Variants in DMD observed in about 807,000 individuals in gnomAD.
The protein encoded by DMD is dystrophin.
Under a neutral mutation model 330.1 loss-of-function variants are expected in DMD, and 63 were observed. The observed-to-expected ratio is 0.19, with a 90% CI of 0.16 to 0.24. DMD has a LOEUF of 0.24. DMD is among the 10% of genes least tolerant of loss of function. DMD has a pLI of 1.00. For missense variants in DMD, 3,344 were observed against 2,684.1 expected (o/e 1.25, Z -5.43); for synonymous variants, 1,223 against 959.8 (o/e 1.27, Z -5.07).
intron 30 of DMD, among the ~76,000 whole-genome samples, chrX:32,402,815 G>A (rs2147815593): frequency 9.0e-6 from 1 of 111,441 alleles, no homozygotes; most frequent in South Asian, 3.7e-4. Context: ...AAGTTCCATT[G>A]GAAAAATGGT....
At chrX:31,573,624 C>T (rs751648362) in intron 55 of DMD, among the ~76,000 whole-genome samples, 6 of 111,829 alleles carry the variant, frequency 5.4e-5, no homozygotes, top group Admixed American at 9.5e-5. Context: ...ACTTCTTCTC[C>T]GAGTCACATT....
intron 60 of DMD, among the ~76,000 whole-genome samples, chrX:31,360,455 T>C (rs764216704): frequency 4.8e-4 from 54 of 112,185 alleles, no homozygotes; most frequent in South Asian, 1.9e-3. Context: ...GTTTTTGCCA[T>C]TGAAGGTAAT....
At chrX:33,183,857 G>T (rs893459635) in intron 1 of DMD, among the ~76,000 whole-genome samples, 1 of 111,145 alleles carries the variant, frequency 9.0e-6, no homozygotes, top group Non-Finnish European at 1.9e-5. Context: ...AAGCAGTGTG[G>T]GTTTAATTTG....
At chrX:33,318,504 G>C (rs2053966099) in intron 1 of DMD, among the ~76,000 whole-genome samples, 1 of 106,220 alleles carries the variant, frequency 9.4e-6, no homozygotes, top group Non-Finnish European at 1.9e-5. Context: ...GTGAAGTGCA[G>C]TGACACCATT....
intron 44 of DMD, among the ~76,000 whole-genome samples, chrX:32,025,620 C>T (rs1339239622): frequency 8.9e-6 from 1 of 112,441 alleles, no homozygotes; most frequent in East Asian, 2.8e-4. Flanking sequence ...GGTTTGGGAA[C>T]ACTTTTCCTT....
intron 25 of DMD, 141 bp downstream of exon 25, chrX:32,463,298 G>C (rs2148416898): frequency 2.2e-6 from 1 of 447,306 alleles, no homozygotes; most frequent in Admixed American, 4.9e-5. Flanking sequence ...CTAGAAAAAA[G>C]ATTAATTTGT....
Position 32,697,891 on chromosome X carries a change from T to G in DMD, c.939A>C (p.Thr313=). 8.3e-7 allele frequency: 1 copy of G among 1,210,213 alleles called. No individual in the cohort carries two copies. The highest frequency in any genetic ancestry group is 3.0e-5 in the East Asian group (1 of 33,742). The change falls in exon 9 of 79, where the codon ACA becomes ACC. Residue 313 remains threonine, a synonymous_variant. Coordinates refer to ENST00000357033, the MANE Select transcript of DMD (RefSeq NM_004006.3). ...QAAYVTTSDP[T]RSPFPSQHLE... is the part of the protein sequence containing the mutation. ...AGACCTGTGAAGGAAATGGGCTCCG[T>G]GTAGGGTCAGAGGTGGTGACATAAG...
In DMD at chrX:32,640,998, C is replaced by A. The variant is rs138981528; in HGVS notation, c.1331+3134G>T. Among the ~76,000 whole-genome samples the A allele has an allele frequency of 1.1e-4, 12 of 111,637 alleles. No individual in the cohort carries two copies. The South Asian group carries it at 1.5e-3, about 14-fold the overall frequency. ...CTACAGTCCCCCTGGCCTTTTGGTT[C>A]CTCCAGCAAGCCAAACTGTCCCTAT... On this transcript the variant is annotated intron_variant, in intron 11 of 78. Transcript: ENST00000357033.
chrX:31,699,024 A>G (rs747166477), intron 52 of DMD, among the ~76,000 whole-genome samples: 1 of 112,089 alleles, frequency 8.9e-6, no homozygotes, highest in Admixed American at 9.5e-5. Context: ...TGCTATTTTC[A>G]CACTGTTTAC....
At chrX:31,241,468 T>C (rs1433123746) in intron 63 of DMD, among the ~76,000 whole-genome samples, 1 of 112,151 alleles carries the variant, frequency 8.9e-6, no homozygotes, top group Non-Finnish European at 1.9e-5. Flanking sequence ...AGAAGAGAAA[T>C]TGTAAATAAA....
chrX:32,693,361 C>A (rs2063421396), intron 9 of DMD, among the ~76,000 whole-genome samples: 1 of 112,150 alleles, frequency 8.9e-6, no homozygotes. Flanking sequence ...AAAAATCGAA[C>A]TAATACATAT....
intron 7 of DMD, among the ~76,000 whole-genome samples, chrX:32,731,192 C>T (rs1183944534): frequency 8.9e-6 from 1 of 112,131 alleles, no homozygotes; most frequent in African/African-American, 3.2e-5. Context: ...CCGAATACTG[C>T]GTGTTTCCGA....
intron 2 of DMD, among the ~76,000 whole-genome samples, chrX:33,014,095 G>T (rs1034535498): frequency 8.9e-6 from 1 of 111,871 alleles, no homozygotes; most frequent in African/African-American, 3.2e-5. Flanking sequence ...GGATATGGGA[G>T]TTAAGATTCG....
chrX:32,707,393 T>C (rs1403096015), intron 7 of DMD, among the ~76,000 whole-genome samples: 1 of 111,992 alleles, frequency 8.9e-6, no homozygotes, highest in African/African-American at 3.3e-5. Context: ...GAATGGAAGC[T>C]CTGCAGTGTT....
At position 31,836,678 on chromosome X, in the gene DMD, A is replaced by AT. The variant is rs200474603; in HGVS notation, c.7200+39dup. ...ATGTACAACAGGGGAAGCATAACCCATTATGAGGTAATGGATATTGCTAGA... is the reference window on the plus strand; with the variant it reads ...ATGTACAACAGGGGAAGCATAACCCATTTATGAGGTAATGGATATTGCTAGA... On this transcript the variant is annotated intron_variant, in intron 49 of 78. Transcript: ENST00000357033. 1,580 of 1,051,038 alleles carry AT rather than the reference A, an allele frequency of 1.5e-3. 19 individuals carry two copies. In the African/African-American group the frequency reaches 0.026, roughly 17 times the overall value. 86.6% of individuals were successfully genotyped at this position (1,051,038 alleles called of 1,213,427 possible). A position where few individuals can be genotyped will look rare whatever the true frequency, so the allele number is the denominator to read the frequency against.
At chrX:31,736,309 C>T (rs1359092885) in intron 51 of DMD, among the ~76,000 whole-genome samples, 2 of 111,474 alleles carry the variant, frequency 1.8e-5, no homozygotes, top group Non-Finnish European at 3.8e-5. Flanking sequence ...AGAAGTGGTT[C>T]CAAGGTGGGA....
intron 44 of DMD, among the ~76,000 whole-genome samples, chrX:32,073,531 T>C (rs1165282101): frequency 8.1e-5 from 9 of 111,624 alleles, no homozygotes; most frequent in African/African-American, 2.9e-4. Flanking sequence ...ATACATGGTA[T>C]GTATGTATAT....
At chrX:33,329,445 A>T (rs145613542) in intron 1 of DMD, among the ~76,000 whole-genome samples, 80 of 112,334 alleles carry the variant, frequency 7.1e-4, no homozygotes, top group African/African-American at 2.5e-3. Context: ...TATGTGCAGT[A>T]AATTTGCAAG....
At chrX:32,354,737 C>CT (rs2097793158) in intron 37 of DMD, among the ~76,000 whole-genome samples, 1 of 111,123 alleles carries the variant, frequency 9.0e-6, no homozygotes, top group Non-Finnish European at 1.9e-5. Context: ...GAAAATGTGA[C>CT]TAATTTGTGA....
Sources: gnomAD v4.1 joint callset for allele counts (sites outside exome capture counted in the v4.1 genomes callset) on GRCh38, gnomAD v4.1.1 for gene constraint, MANE v1.5 for transcripts, NCBI Gene and HGNC (gene_info 2026-07-23, HGNC 2026-07-21) for gene names.